Variants in SCG2 observed in about 807,000 individuals in gnomAD.
SCG2 encodes the protein secretogranin II.
In SCG2, 23 loss-of-function variants were observed where a neutral mutation model predicts 49.5. That is an observed-to-expected ratio of 0.46 (90% confidence interval 0.33 to 0.66). The LOEUF is 0.66. SCG2 is among the 30% of genes least tolerant of loss of function. The pLI is 0.01. For missense variants in SCG2, 730 were observed against 728.2 expected (o/e 1.00, Z -0.03); for synonymous variants, 288 against 260.4 (o/e 1.11, Z -1.02).
Position 223,598,534 on chromosome 2 carries a change from C to T in SCG2, c.749G>A (p.Trp250Ter). 1 of 1,613,960 alleles carries T rather than the reference C, an allele frequency of 6.2e-7. No individual in the cohort carries two copies. Among genetic ancestry groups the T allele is most frequent in the Non-Finnish European group, 8.5e-7 (1 of 1,180,024 alleles). The change falls in exon 2 of 2, where the codon TGG becomes TAG. Residue 250 changes from tryptophan to a stop codon, truncating the protein, a stop_gained. Coordinates refer to ENST00000305409, the MANE Select transcript of SCG2 (RefSeq NM_003469.5). LOFTEE classifies it high-confidence loss of function. The part of the protein sequence containing the change: ...AYEDVVGGED[W>*]NPVEEKIESQ... ...CTCTATTTTCTCCTCTACTGGGTTC[C>T]AGTCTTCTCCCCCGACCACATCTTC...
intron 1 of SCG2, among the ~76,000 whole-genome samples, chr2:223,601,722 T>C (rs1490840259): frequency 6.6e-6 from 1 of 152,170 alleles, no homozygotes; most frequent in Non-Finnish European, 1.5e-5. Flanking sequence ...GAGATAATAA[T>C]GTAAGCTCTT....
In SCG2 at chr2:223,597,570, C is replaced by T. The variant is rs1691316897; in HGVS notation, c.1713G>A (p.Val571=). 4 of 1,614,148 alleles carry T rather than the reference C, an allele frequency of 2.5e-6. No individual in the cohort carries two copies. ...KLAPVSKRFP[V]GPPKNDDTPN... is the part of the protein sequence containing the mutation. ...GGGTATCATCATTCTTCGGGGGCCC[C>T]ACAGGGAACCTTTTGCTCACCGGGG... Residue 571 remains valine (V), a synonymous_variant, in exon 2 of 2, where the codon GTG becomes GTA. Coordinates refer to ENST00000305409, the MANE Select transcript of SCG2 (RefSeq NM_003469.5).
rs373775569 is a variant in SCG2, at chr2:223,597,747, T to C, written c.1536A>G (p.Leu512=). 119 of 1,614,028 alleles carry C rather than the reference T, an allele frequency of 7.4e-5. No homozygotes were observed. In the East Asian group the frequency reaches 1.3e-3, roughly 18 times the overall value. ...AATTAATGATCTCAGGGTATTTAAC[T>C]AGCATCCTGGCCAAGTACTCACCTA... ...QELGEYLARM[L]VKYPEIINSN... The change falls in exon 2 of 2, where the codon CTA becomes CTG. Residue 512 remains leucine, a synonymous_variant. Transcript: ENST00000305409.
chr2:223,600,614 A>T (rs935261841), intron 1 of SCG2, among the ~76,000 whole-genome samples: 1 of 152,132 alleles, frequency 6.6e-6, no homozygotes, highest in Non-Finnish European at 1.5e-5. Flanking sequence ...ATATGTATAC[A>T]ATTTTCTGTT....
Position 223,598,937 on chromosome 2 carries a change from C to T in SCG2, c.346G>A (p.Glu116Lys), listed in dbSNP as rs1378950175. 3.1e-6 allele frequency: 5 copies of T among 1,614,154 alleles called. No individual in the cohort carries two copies. The highest frequency in any genetic ancestry group is 4.2e-6 in the Non-Finnish European group (5 of 1,180,004). The change falls in exon 2 of 2, where the codon GAA (glutamate) becomes AAA (lysine). Residue 116 changes from glutamate to lysine, a missense_variant. Glu to Lys is a moderately conservative substitution (Grantham distance 56). Coordinates refer to ENST00000305409, the MANE Select transcript of SCG2 (RefSeq NM_003469.5). ...TCATTTTCAGCCTGTCTCAAAGCTT[C>T]GAGTATTATTCTCATCCAGTCTTCT... ...SEEDWMRIILEALRQAENEPQ... is the reference protein window; with the variant it reads ...SEEDWMRIILKALRQAENEPQ...
intron 1 of SCG2, 48 bp from the exon 2 acceptor site, chr2:223,599,344 A>G (rs1027165302): frequency 1.4e-5 from 20 of 1,432,882 alleles, no homozygotes; most frequent in East Asian, 6.9e-5. Context: ...AAACTAGAAG[A>G]CACTATAGCA....
At position 223,597,364 on chromosome 2, in the gene SCG2, G is replaced by A. The variant is rs2106113490; in HGVS notation, c.*65C>T. 1 of 1,524,242 alleles carries A rather than the reference G, an allele frequency of 6.6e-7. No homozygotes were observed. The highest frequency in any genetic ancestry group is 8.8e-7 in the Non-Finnish European group (1 of 1,135,148). 94.4% of individuals were successfully genotyped at this position (1,524,242 alleles called of 1,614,324 possible). A position where few individuals can be genotyped will look rare whatever the true frequency, so the allele number is the denominator to read the frequency against. ...TTAACAGGATAGAAGTCAACACACTGAAGAGAAATGTTGGGATTTGCTTGG... is the reference window on the plus strand; with the variant it reads ...TTAACAGGATAGAAGTCAACACACTAAAGAGAAATGTTGGGATTTGCTTGG... On this transcript the variant is annotated 3_prime_UTR_variant, in exon 2 of 2. Transcript: ENST00000305409.
At chr2:223,601,424 C>G (rs1281187900) in intron 1 of SCG2, among the ~76,000 whole-genome samples, 1 of 152,118 alleles carries the variant, frequency 6.6e-6, no homozygotes, top group Non-Finnish European at 1.5e-5. Flanking sequence ...ATGCAGGTGA[C>G]TATATGTAAT....
chr2:223,597,272 G>T lies in SCG2; in HGVS notation c.*157C>A. 1 of 849,692 alleles carries T rather than the reference G, an allele frequency of 1.2e-6. No homozygotes were observed. Among genetic ancestry groups the T allele is most frequent in the Non-Finnish European group, 1.7e-6 (1 of 573,288 alleles). 52.6% of individuals were successfully genotyped at this position (849,692 alleles called of 1,614,324 possible). A position where few individuals can be genotyped will look rare whatever the true frequency, so the allele number is the denominator to read the frequency against. On this transcript the variant is annotated 3_prime_UTR_variant, in exon 2 of 2. Coordinates refer to ENST00000305409, the MANE Select transcript of SCG2 (RefSeq NM_003469.5). ...CCATACACAAGATAACAGCTCAGAGGAAATGAAGCAGACTCCCCAGTGACC... is the reference window on the plus strand; with the variant it reads ...CCATACACAAGATAACAGCTCAGAGTAAATGAAGCAGACTCCCCAGTGACC...
rs1691315922 is a variant in SCG2, at chr2:223,597,525, A to G, written c.1758T>C (p.Asp586=). 6.2e-7 allele frequency: 1 copy of G among 1,614,040 alleles called. No homozygotes were observed. Among genetic ancestry groups the G allele is most frequent in the South Asian group, 1.1e-5 (1 of 91,040 alleles). The change falls in exon 2 of 2, where the codon GAT becomes GAC. Residue 586 remains aspartate, a synonymous_variant. Transcript: ENST00000305409. The part of the protein sequence containing the change: ...NDDTPNRQYW[D]EDLLMKVLEY... ...CCAGCACTTTCATTAACAGATCTTC[A>G]TCCCAGTACTGCCTATTTGGGGTAT... is the stretch of plus-strand genomic sequence containing the variant.
At position 223,597,415 on chromosome 2, in the gene SCG2, T is replaced by C. The variant is rs1691312579; in HGVS notation, c.*14A>G. 1.3e-6 allele frequency: 2 copies of C among 1,567,734 alleles called. No individual in the cohort carries two copies. The highest frequency in any genetic ancestry group is 1.4e-5 in the African/African-American group (1 of 73,502). On this transcript the variant is annotated 3_prime_UTR_variant, in exon 2 of 2. Coordinates refer to ENST00000305409, the MANE Select transcript of SCG2 (RefSeq NM_003469.5). ...GGTGGGAGGAATGAAAGTAGGGTAA[T>C]TAATGAAAGCAGCTTACATATTTTC...
chr2:223,598,548 G>A lies in SCG2; in HGVS notation c.735C>T (p.Val245=), dbSNP rs755866435. The change falls in exon 2 of 2, where the codon GTC becomes GTT. Residue 245 remains valine (V), a synonymous_variant. Coordinates refer to ENST00000305409, the MANE Select transcript of SCG2 (RefSeq NM_003469.5). ...KANNIAYEDV[V]GGEDWNPVEE... is the part of the protein sequence containing the mutation. ...CTACTGGGTTCCAGTCTTCTCCCCC[G>A]ACCACATCTTCATAGGCAATGTTAT... is the stretch of plus-strand genomic sequence containing the variant. 29 of 1,613,508 alleles carry A rather than the reference G, an allele frequency of 1.8e-5. No individual in the cohort carries two copies. The highest frequency in any genetic ancestry group is 6.6e-5 in the South Asian group (6 of 91,036).
Position 223,598,055 on chromosome 2 carries a change from G to C in SCG2, c.1228C>G (p.Leu410Val), listed in dbSNP as rs1207662802. The part of the protein sequence containing the change: ...DHPDLFQNRM[L>V]SKSGYPKTPG... ...GTTTTAGGGTAGCCACTCTTGGAGA[G>C]CATCCTATTTTGGAACAGGTCTGGA... Residue 410 changes from leucine to valine, a missense_variant, in exon 2 of 2, where the codon CTC (leucine) becomes GTC (valine). Leu to Val is a conservative substitution (Grantham distance 32, BLOSUM62 1). Coordinates refer to ENST00000305409, the MANE Select transcript of SCG2 (RefSeq NM_003469.5). 1 of 1,606,026 alleles carries C rather than the reference G, an allele frequency of 6.2e-7. No homozygotes were observed. The highest frequency in any genetic ancestry group is 1.7e-5 in the Admixed American group (1 of 59,224).
At position 223,598,193 on chromosome 2, in the gene SCG2, C is replaced by A. The variant is rs767673631; in HGVS notation, c.1090G>T (p.Asp364Tyr). Residue 364 changes from aspartate (D) to tyrosine (Y), a missense_variant, in exon 2 of 2, where the codon GAC becomes TAC. By Grantham distance (160) the Asp-to-Tyr change is radical. Coordinates refer to ENST00000305409, the MANE Select transcript of SCG2 (RefSeq NM_003469.5). ...CCAGTTTTGAGCATCTCAATTAAGT[C>A]TTCTGGGGGTATCTGTAAATTCCTT... ...ISRNLQIPPE[D>Y]LIEMLKTGEK... 2.5e-6 allele frequency: 4 copies of A among 1,614,146 alleles called. No homozygotes were observed. The highest frequency in any genetic ancestry group is 3.4e-6 in the Non-Finnish European group (4 of 1,180,022).
chr2:223,597,284 A>C lies in SCG2; in HGVS notation c.*145T>G. ...TAACAGCTCAGAGGAAATGAAGCAGACTCCCCAGTGACCTGGTTTCATCTG... is the reference window on the plus strand; with the variant it reads ...TAACAGCTCAGAGGAAATGAAGCAGCCTCCCCAGTGACCTGGTTTCATCTG... On this transcript the variant is annotated 3_prime_UTR_variant, in exon 2 of 2. Transcript: ENST00000305409. 1 of 988,132 alleles carries C rather than the reference A, an allele frequency of 1.0e-6. No homozygotes were observed. Among genetic ancestry groups the C allele is most frequent in the Non-Finnish European group, 1.4e-6 (1 of 692,568 alleles). 61.2% of individuals were successfully genotyped at this position (988,132 alleles called of 1,614,324 possible).
rs1259794591 is a variant in SCG2 at position 223,597,579 on chromosome 2, C to T, written c.1704G>A (p.Arg568=). The T allele has an allele frequency of 5.0e-6, 8 of 1,614,142 alleles. No homozygotes were observed. The highest frequency in any genetic ancestry group is 2.2e-5 in the East Asian group (1 of 44,886). The change falls in exon 2 of 2, where the codon AGG becomes AGA. Residue 568 remains arginine (R), a synonymous_variant. Transcript: ENST00000305409. ...ETDKLAPVSK[R]FPVGPPKNDD... is the part of the protein sequence containing the mutation. ...CATTCTTCGGGGGCCCCACAGGGAA[C>T]CTTTTGCTCACCGGGGCCAGCTTGT...
At chr2:223,601,172 T>C (rs1220179997) in intron 1 of SCG2, among the ~76,000 whole-genome samples, 2 of 152,174 alleles carry the variant, frequency 1.3e-5, no homozygotes, top group Non-Finnish European at 2.9e-5. Context: ...ACTATTCAGC[T>C]TCAGTTTGAA....
At chr2:223,599,899 G>A (rs1036275510) in intron 1 of SCG2, among the ~76,000 whole-genome samples, 8 of 152,108 alleles carry the variant, frequency 5.3e-5, no homozygotes, top group Non-Finnish European at 1.0e-4. Context: ...ACCTTCTGGG[G>A]AGTCCTATCC....
In SCG2 at chr2:223,597,635, G is replaced by A. The variant is rs764989394; in HGVS notation, c.1648C>T (p.His550Tyr). 1.2e-6 allele frequency: 2 copies of A among 1,614,082 alleles called. No individual in the cohort carries two copies. Among genetic ancestry groups the A allele is most frequent in the Non-Finnish European group, 1.7e-6 (2 of 1,179,996 alleles). ...TCCTGAGAGCTGCCTTGATTCAAAT[G>A]CTCTTTGATGGCCTGCTCAATTTGT... ...EEQIEQAIKE[H>Y]LNQGSSQETD... The change falls in exon 2 of 2, where the codon CAT becomes TAT. Residue 550 changes from histidine to tyrosine, a missense_variant. Physicochemically the swap from His to Tyr is moderately conservative, Grantham distance 83. Transcript: ENST00000305409.
Sources: gnomAD v4.1 joint callset for allele counts (sites outside exome capture counted in the v4.1 genomes callset) on GRCh38, gnomAD v4.1.1 for gene constraint, MANE v1.5 for transcripts, NCBI Gene and HGNC (gene_info 2026-07-23, HGNC 2026-07-21) for gene names.